The following VAV2 variants were observed in gnomAD, a reference collection of about 807,000 sequenced individuals.
The protein encoded by VAV2 is vav guanine nucleotide exchange factor 2, also known as guanine nucleotide exchange factor VAV2.
In VAV2, 67 loss-of-function variants were observed where a neutral mutation model predicts 132.5. That is an observed-to-expected ratio of 0.51 (90% CI 0.42 to 0.62). VAV2 has a LOEUF of 0.62. Among genes scored for constraint, VAV2 ranks in the 20% least tolerant of loss-of-function variants. VAV2 has a pLI of 0.00. For missense variants in VAV2, 938 were observed against 1,153.6 expected (o/e 0.81, Z 2.71); for synonymous variants, 492 against 443.5 (o/e 1.11, Z -1.37).
At chr9:133,949,750 C>A (rs1841491847) in intron 1 of VAV2, among the ~76,000 whole-genome samples, 1 of 152,228 alleles carries the variant, frequency 6.6e-6, no homozygotes, top group African/African-American at 2.4e-5. Context: ...CTCCAACCTG[C>A]AGCACGCAGG....
intron 2 of VAV2, among the ~76,000 whole-genome samples, chr9:133,898,789 C>A (rs1481091535): frequency 1.4e-5 from 2 of 146,738 alleles, no homozygotes; most frequent in Admixed American, 1.4e-4. Context: ...CAGGCCGTGT[C>A]GGATCCAGGG....
chr9:133,789,651 T>A lies in VAV2; in HGVS notation c.1189-308A>T, dbSNP rs1181044603. ...CGGTTGTGTTCACAGAGGCCGCCGC[T>A]GTGTGGAGCCCCAAGCGGGACCCGG... On this transcript the variant is annotated intron_variant, in intron 13 of 29. Coordinates refer to ENST00000371850, the MANE Select transcript of VAV2 (RefSeq NM_001134398.2). Among the ~76,000 whole-genome samples the A allele has an allele frequency of 5.9e-5, 9 of 151,726 alleles. No homozygotes were observed. In the East Asian group the frequency reaches 1.4e-3, roughly 23 times the overall value.
chr9:133,898,378 C>T (rs1839299930), intron 2 of VAV2, among the ~76,000 whole-genome samples: 1 of 151,878 alleles, frequency 6.6e-6, no homozygotes, highest in Admixed American at 6.6e-5. Context: ...CACCTGACAT[C>T]AGGAGTTCAA....
At position 133,879,853 on chromosome 9, in the gene VAV2, C is replaced by T. The variant is rs896767269; in HGVS notation, c.322-18421G>A. ...GAAACAGATGGAAACCGGCCGCAGA[C>T]GAAGCTCTGGCATCCAGATTTGCTT... On this transcript the variant is annotated intron_variant, in intron 2 of 29. Transcript: ENST00000371850. This position sits in a 1 kb window ranked among gnomAD's most constrained non-coding sequence, Gnocchi z 4.4. Among the ~76,000 whole-genome samples, 13 of 152,228 alleles carry T rather than the reference C, an allele frequency of 8.5e-5. No individual in the cohort carries two copies. Among genetic ancestry groups the T allele is most frequent in the African/African-American group, 2.9e-4 (12 of 41,456 alleles).
At chr9:133,785,961 G>A (rs551926438) in intron 16 of VAV2, 76 bp from the exon 17 acceptor site, 119 of 1,321,742 alleles carry the variant, frequency 9.0e-5, no homozygotes, top group South Asian at 1.3e-4. Flanking sequence ...GTGTACTCTC[G>A]CCTGTGCAGC....
At chr9:133,856,218 C>T (rs1837379208) in intron 3 of VAV2, among the ~76,000 whole-genome samples, 1 of 152,228 alleles carries the variant, frequency 6.6e-6, no homozygotes, top group Admixed American at 6.5e-5. Context: ...GTGGTGGTTG[C>T]ACAACATGGT....
chr9:133,967,945 A>C (rs1482886172), intron 1 of VAV2, among the ~76,000 whole-genome samples: 1 of 151,468 alleles, frequency 6.6e-6, no homozygotes, highest in African/African-American at 2.4e-5. Flanking sequence ...AAAAAAAAAA[A>C]AAAAAAAAAA....
In VAV2 at chr9:133,806,161, G is replaced by A. The variant is rs369857537; in HGVS notation, c.756C>T (p.His252=). Residue 252 remains histidine (H), a synonymous_variant, in exon 9 of 30, where the codon CAC becomes CAT. Transcript: ENST00000371850. ...INLEDLIKVH[H]SFLRAIDVSV... ...ACACGTCGATGGCCCTCAGGAAGCTGTGATGCACCTTGATCAGGTCCTGGG... is the reference window on the plus strand; with the variant it reads ...ACACGTCGATGGCCCTCAGGAAGCTATGATGCACCTTGATCAGGTCCTGGG... The A allele has an allele frequency of 6.2e-7, 1 of 1,612,722 alleles. No homozygotes were observed. The highest frequency in any genetic ancestry group is 8.5e-7 in the Non-Finnish European group (1 of 1,179,872).
At position 133,779,925 on chromosome 9, in the gene VAV2, C is replaced by T. The variant is rs746639129; in HGVS notation, c.1755G>A (p.Ala585=). Reference sequence around the variant, plus strand: ...CAGGTCCAGAAGACTCACCTGGTCCCGCTCCGGAGGCGTCCTGTGAGGACA... The same window carrying T: ...CAGGTCCAGAAGACTCACCTGGTCCTGCTCCGGAGGCGTCCTGTGAGGACA... ...TSPADLDASG[A]GPGPKMVAMQ... The change falls in exon 21 of 30, where the codon GCG becomes GCA. Residue 585 remains alanine, a synonymous_variant. Coordinates refer to ENST00000371850, the MANE Select transcript of VAV2 (RefSeq NM_001134398.2). 6.8e-6 allele frequency: 11 copies of T among 1,612,150 alleles called. No homozygotes were observed. The highest frequency in any genetic ancestry group is 4.0e-5 in the African/African-American group (3 of 74,912).
chr9:133,797,798 T>C lies in VAV2; in HGVS notation c.848A>G (p.Tyr283Cys), dbSNP rs1834778719. 6.2e-7 allele frequency: 1 copy of C among 1,613,956 alleles called. No individual in the cohort carries two copies. Among genetic ancestry groups the C allele is most frequent in the East Asian group, 2.2e-5 (1 of 44,872 alleles). The change falls in exon 10 of 30, where the codon TAC becomes TGC. Residue 283 changes from tyrosine (Y) to cysteine (C), a missense_variant. Physicochemically the swap from Tyr to Cys is radical, Grantham distance 194 (BLOSUM62 -2). Transcript: ENST00000371850. ...FLDFKERLLI[Y>C]GEYCSHMEHA... ...CTCCATGTGGCTGCAGTACTCCCCGTAGATCAGAAGCCTGGACGGTGCACA... is the reference window on the plus strand; with the variant it reads ...CTCCATGTGGCTGCAGTACTCCCCGCAGATCAGAAGCCTGGACGGTGCACA...
intron 3 of VAV2, among the ~76,000 whole-genome samples, chr9:133,858,010 C>A (rs10993832): frequency 0.2 from 29,938 of 152,216 alleles, 3,124 homozygotes; most frequent in African/African-American, 0.24. Context: ...CTCATGTCTG[C>A]CTATCCTGTG....
chr9:133,813,516 C>T, intron 4 of VAV2, among the ~76,000 whole-genome samples: 1 of 152,238 alleles, frequency 6.6e-6, no homozygotes, highest in East Asian at 1.9e-4. Flanking sequence ...GAGGAAGGCC[C>T]TCAGCACCTT....
At chr9:133,810,111 G>T in intron 6 of VAV2, 80 bp downstream of exon 6, 1 of 1,598,886 alleles carries the variant, frequency 6.3e-7, no homozygotes, top group Non-Finnish European at 8.5e-7. Flanking sequence ...AGTTTTCTCA[G>T]AGAGGTCTGA....
intron 15 of VAV2, 29 bp from the exon 16 acceptor site, chr9:133,787,289 G>A (rs756626560): frequency 2.0e-5 from 32 of 1,572,950 alleles, no homozygotes; most frequent in Admixed American, 5.3e-5. Context: ...AGAGGAAGGG[G>A]AAGACGGTCA....
chr9:133,772,191 C>T (rs1342475113), intron 25 of VAV2, 145 bp from the exon 26 acceptor site: 5 of 693,464 alleles, frequency 7.2e-6, no homozygotes, highest in African/African-American at 3.6e-5. Flanking sequence ...CCTGTCCTAC[C>T]CCAGCCCTTC....
chr9:133,978,414 G>C (rs1457451557), intron 1 of VAV2, among the ~76,000 whole-genome samples: 3 of 152,274 alleles, frequency 2.0e-5, no homozygotes, highest in South Asian at 2.1e-4. Context: ...GGGCTGGGAG[G>C]CCTTGAGGAA....
intron 3 of VAV2, 89 bp downstream of exon 3, chr9:133,861,285 G>A: frequency 7.1e-6 from 10 of 1,416,742 alleles, no homozygotes; most frequent in Non-Finnish European, 9.5e-6. Context: ...GAGGGCATCT[G>A]CTTCCAACCC....
At chr9:133,970,014 G>A (rs182107345) in intron 1 of VAV2, among the ~76,000 whole-genome samples, 2 of 152,132 alleles carry the variant, frequency 1.3e-5, no homozygotes, top group Non-Finnish European at 2.9e-5. Context: ...CCCCCCAGAC[G>A]TGCAGGGTGG....
intron 4 of VAV2, among the ~76,000 whole-genome samples, chr9:133,814,080 A>G (rs1237301309): frequency 2.6e-5 from 4 of 152,186 alleles, no homozygotes; most frequent in Non-Finnish European, 5.9e-5. Flanking sequence ...AAGCCGGGGT[A>G]AAGGCAGCCG....
Sources: allele counts gnomAD v4.1 joint callset (sites outside exome capture counted in the v4.1 genomes callset), GRCh38; gene constraint gnomAD v4.1.1; non-coding constraint Gnocchi (gnomAD v3.1); transcripts MANE v1.5; gene names NCBI Gene and HGNC (gene_info 2026-07-23, HGNC 2026-07-21).